The following ARHGEF38 variants were observed in gnomAD, a reference collection of about 807,000 sequenced individuals.
ARHGEF38 encodes the protein Rho guanine nucleotide exchange factor 38, also known as Rho guanine nucleotide exchange factor (GEF) 38.
A neutral mutation model predicts 79.9 loss-of-function variants in ARHGEF38; 79 were observed. That is an observed-to-expected ratio of 0.99 (90% CI 0.82 to 1.19). The LOEUF (loss-of-function observed/expected upper bound fraction) is 1.19, where lower values mean the gene tolerates loss of function less well. Among genes scored for constraint, ARHGEF38 ranks in the 50% most tolerant of loss-of-function variants. ARHGEF38 has a pLI of 0.00. For synonymous variants in ARHGEF38, 366 were observed against 328.3 expected (o/e 1.11, Z -1.24); for missense variants, 962 against 907.2 (o/e 1.06, Z -0.78).
intron 2 of ARHGEF38, among the ~76,000 whole-genome samples, chr4:105,610,122 C>T (rs150957544): frequency 3.3e-5 from 5 of 152,174 alleles, no homozygotes; most frequent in African/African-American, 4.8e-5. Context: ...AAACCAAATA[C>T]GGCATGTTCT....
chr4:105,634,339 A>G (rs888410401), intron 4 of ARHGEF38, among the ~76,000 whole-genome samples: 4 of 152,208 alleles, frequency 2.6e-5, no homozygotes, highest in African/African-American at 7.2e-5. Flanking sequence ...GCTCTCCAAA[A>G]GCAAATACAC....
intron 13 of ARHGEF38, 111 bp downstream of exon 13, chr4:105,667,814 A>G: frequency 7.8e-7 from 1 of 1,288,640 alleles, no homozygotes; most frequent in South Asian, 1.5e-5. Flanking sequence ...TTTGACATCA[A>G]GGAGACCTGG....
At chr4:105,624,177 C>A (rs1393632152) in intron 3 of ARHGEF38, among the ~76,000 whole-genome samples, 3 of 152,118 alleles carry the variant, frequency 2.0e-5, no homozygotes, top group African/African-American at 7.2e-5. Flanking sequence ...ATTGTCAAAT[C>A]CAATGGACAC....
intron 1 of ARHGEF38, among the ~76,000 whole-genome samples, chr4:105,577,089 T>G (rs1726540233): frequency 3.8e-5 from 1 of 26,084 alleles, no homozygotes; most frequent in South Asian, 3.1e-3. Flanking sequence ...TTTTTTACTT[T>G]CTTTCTTTAA....
chr4:105,631,130 AC>A, intron 4 of ARHGEF38, 85 bp downstream of exon 4: 2 of 1,451,236 alleles, frequency 1.4e-6, no homozygotes, highest in Non-Finnish European at 1.8e-6. Context: ...GAAAGGTCTC[AC>A]ATAAATCCTA....
chr4:105,621,102 A>C (rs1728718978), intron 3 of ARHGEF38, among the ~76,000 whole-genome samples: 1 of 152,330 alleles, frequency 6.6e-6, no homozygotes, highest in East Asian at 1.9e-4. Flanking sequence ...CCAAGGCACT[A>C]GATTTGTGAA....
intron 3 of ARHGEF38, among the ~76,000 whole-genome samples, chr4:105,623,005 A>C (rs1728800972): frequency 6.6e-6 from 1 of 152,226 alleles, no homozygotes; most frequent in African/African-American, 2.4e-5. Flanking sequence ...AAGAAGGAAG[A>C]ACAGATAAGT....
chr4:105,558,284 C>G (rs543967058), intron 1 of ARHGEF38, among the ~76,000 whole-genome samples: 1 of 152,272 alleles, frequency 6.6e-6, no homozygotes, highest in Admixed American at 6.5e-5. Flanking sequence ...GAAATTAACA[C>G]TGGAAGACTT....
intron 1 of ARHGEF38, among the ~76,000 whole-genome samples, chr4:105,554,422 G>A (rs1725159255): frequency 6.6e-6 from 1 of 152,038 alleles, no homozygotes; most frequent in Admixed American, 6.6e-5. Flanking sequence ...TATGTCTAAT[G>A]TTTAGCTCTC....
intron 3 of ARHGEF38, among the ~76,000 whole-genome samples, chr4:105,628,030 TAA>T (rs70941204): frequency 8.3e-5 from 12 of 144,978 alleles, no homozygotes; most frequent in African/African-American, 2.5e-4. Context: ...TGGAAAAGAG[TAA>T]AAAAAAAAAA....
chr4:105,588,201 T>C (rs1055081861), intron 1 of ARHGEF38, among the ~76,000 whole-genome samples: 1 of 152,374 alleles, frequency 6.6e-6, no homozygotes, highest in African/African-American at 2.4e-5. Context: ...TATTTTTTAC[T>C]GTACAGACTC....
chr4:105,561,906 T>C (rs1020615171), intron 1 of ARHGEF38, among the ~76,000 whole-genome samples: 4 of 151,942 alleles, frequency 2.6e-5, no homozygotes, highest in Admixed American at 2.0e-4. Context: ...GAGTTTAGGG[T>C]TGGGGAAAGA....
chr4:105,613,569 C>T, intron 3 of ARHGEF38, 62 bp downstream of exon 3: 1 of 1,581,040 alleles, frequency 6.3e-7, no homozygotes, highest in Non-Finnish European at 8.6e-7. Context: ...AATAACCTCC[C>T]TTTGCTTTGG....
At chr4:105,617,857 G>A (rs1418577854) in intron 3 of ARHGEF38, among the ~76,000 whole-genome samples, 1 of 152,116 alleles carries the variant, frequency 6.6e-6, no homozygotes, top group Non-Finnish European at 1.5e-5. Flanking sequence ...CCATAATCAT[G>A]CTTTGGAAAA....
At chr4:105,641,672 G>A (rs10032283) in intron 5 of ARHGEF38, among the ~76,000 whole-genome samples, 49,118 of 151,450 alleles carry the variant, frequency 0.32, 10,891 homozygotes, top group African/African-American at 0.63. Context: ...TTTTTTTTAT[G>A]TATTTTTTCC....
chr4:105,643,336 A>G (rs1729700111), intron 5 of ARHGEF38, among the ~76,000 whole-genome samples: 1 of 151,464 alleles, frequency 6.6e-6, no homozygotes, highest in Admixed American at 6.6e-5. Flanking sequence ...TTTCTTCCTT[A>G]ATAGATTTGG....
chr4:105,598,373 A>G (rs1449842036), intron 2 of ARHGEF38, among the ~76,000 whole-genome samples: 2 of 152,182 alleles, frequency 1.3e-5, no homozygotes, highest in Non-Finnish European at 2.9e-5. Flanking sequence ...AGCCAGAGAA[A>G]AACAGGGATT....
Position 105,633,300 on chromosome 4 carries a change from G to A in ARHGEF38, c.656+2255G>A, listed in dbSNP as rs140666528. Among the ~76,000 whole-genome samples the A allele has an allele frequency of 5.3e-4, 81 of 152,306 alleles. 1 individual carries two copies. In the East Asian group the frequency reaches 0.013, roughly 25 times the overall value. On this transcript the variant is annotated intron_variant, in intron 4 of 13. Transcript: ENST00000420470. ...AGTTAATGATGGATTGTACTGGTCT[G>A]CCTGAAGGCTGAGGGCAGTAGAATT...
chr4:105,631,713 C>A, intron 4 of ARHGEF38: 1 of 929,258 alleles, frequency 1.1e-6, no homozygotes, highest in Non-Finnish European at 1.3e-6. Flanking sequence ...TAATCATTTT[C>A]TTCTGATATT....
Sources: gnomAD v4.1 joint callset for allele counts (sites outside exome capture counted in the v4.1 genomes callset) on GRCh38, gnomAD v4.1.1 for gene constraint, MANE v1.5 for transcripts, NCBI Gene and HGNC (gene_info 2026-07-23, HGNC 2026-07-21) for gene names.